PPP1R9A: variants seen among roughly 807,000 people sequenced by gnomAD.
PPP1R9A encodes neurabin-1.
A neutral mutation model predicts 141.9 loss-of-function variants in PPP1R9A; 59 were observed. The observed-to-expected ratio is 0.42, with a 90% confidence interval of 0.34 to 0.52. PPP1R9A has a LOEUF of 0.52. Ranked by LOEUF, PPP1R9A falls within the 20% of genes least tolerant of loss-of-function variation. The probability of loss-of-function intolerance (pLI) is 0.10; values close to 1 mark genes in which losing one functional copy is unlikely to be tolerated. For synonymous variants in PPP1R9A, 500 were observed against 569.7 expected (o/e 0.88, Z 1.74); for missense variants, 1,444 against 1,611.9 (o/e 0.90, Z 1.78).
At chr7:95,079,651 G>A (rs1018350660) in intron 2 of PPP1R9A, among the ~76,000 whole-genome samples, 1 of 152,034 alleles carries the variant, frequency 6.6e-6, no homozygotes, top group African/African-American at 2.4e-5. Context: ...GAGAATTTTA[G>A]ACCAATATCC....
At chr7:95,158,592 G>T (rs770988423) in intron 4 of PPP1R9A, among the ~76,000 whole-genome samples, 3 of 152,200 alleles carry the variant, frequency 2.0e-5, no homozygotes, top group Non-Finnish European at 4.4e-5. Flanking sequence ...TACAAATGTG[G>T]ATATACTTTA....
At chr7:95,123,705 A>G (rs1316862256) in intron 4 of PPP1R9A, among the ~76,000 whole-genome samples, 1 of 152,110 alleles carries the variant, frequency 6.6e-6, no homozygotes, top group African/African-American at 2.4e-5. Context: ...TCTTTAAGAA[A>G]ATGTAACTAG....
intron 5 of PPP1R9A, among the ~76,000 whole-genome samples, chr7:95,178,091 A>G (rs941812338): frequency 2.0e-5 from 3 of 152,152 alleles, no homozygotes; most frequent in Non-Finnish European, 2.9e-5. Flanking sequence ...ATTCTATTCA[A>G]CAGTGCATGG....
At chr7:95,269,529 G>T in intron 14 of PPP1R9A, 22 bp downstream of exon 14, 1 of 1,525,890 alleles carries the variant, frequency 6.6e-7, no homozygotes, top group South Asian at 1.1e-5. Context: ...TTCTTTTTCT[G>T]ACTTCATAAC....
chr7:94,998,541 C>T (rs1218288696), intron 2 of PPP1R9A, among the ~76,000 whole-genome samples: 1 of 152,074 alleles, frequency 6.6e-6, no homozygotes, highest in Non-Finnish European at 1.5e-5. Flanking sequence ...TGAGCTGTTT[C>T]AGCATGAGAT....
chr7:95,130,305 G>A (rs903148503), intron 4 of PPP1R9A, among the ~76,000 whole-genome samples: 10 of 152,198 alleles, frequency 6.6e-5, no homozygotes, highest in Admixed American at 2.0e-4. Context: ...GAGGATGCAA[G>A]CCCCAAGCCT....
At chr7:94,907,407 G>A (rs1044156502), upstream of PPP1R9A, 1 of 152,490 alleles carries the variant, frequency 6.6e-6, no homozygotes, top group Admixed American at 6.5e-5. Context: ...CAGCAGAGTG[G>A]CCTGGGACTT....
intron 5 of PPP1R9A, among the ~76,000 whole-genome samples, chr7:95,173,152 T>G (rs1832386983): frequency 6.6e-6 from 1 of 151,942 alleles, no homozygotes; most frequent in Non-Finnish European, 1.5e-5. Context: ...AATTTTAGAT[T>G]TAGTGAAATA....
intron 2 of PPP1R9A, among the ~76,000 whole-genome samples, chr7:94,952,796 GGAGT>G (rs1220731280): frequency 1.3e-5 from 2 of 151,070 alleles, no homozygotes; most frequent in African/African-American, 4.8e-5. Flanking sequence ...ACTTTTTGAT[GGAGT>G]TGTCTGTTTT....
intron 2 of PPP1R9A, among the ~76,000 whole-genome samples, chr7:94,927,275 C>T (rs1344006759): frequency 6.6e-6 from 1 of 152,032 alleles, no homozygotes; most frequent in African/African-American, 2.4e-5. Context: ...ATAATATCCT[C>T]TTTATTTAAA....
At chr7:95,079,542 C>G (rs1440687531) in intron 2 of PPP1R9A, among the ~76,000 whole-genome samples, 2 of 151,990 alleles carry the variant, frequency 1.3e-5, no homozygotes, top group South Asian at 2.1e-4. Flanking sequence ...CCTTCTGAAA[C>G]TATTCCAATC....
chr7:94,918,876 G>C (rs1330313516), intron 2 of PPP1R9A, among the ~76,000 whole-genome samples: 1 of 152,100 alleles, frequency 6.6e-6, no homozygotes, highest in Non-Finnish European at 1.5e-5. Context: ...TTGGTGATAT[G>C]GTCTAAAAGT....
At chr7:95,124,248 A>G (rs1039867750) in intron 4 of PPP1R9A, among the ~76,000 whole-genome samples, 1 of 152,146 alleles carries the variant, frequency 6.6e-6, no homozygotes, top group Middle Eastern at 3.2e-3. Flanking sequence ...AGTCAATAAT[A>G]CATTTTAAGT....
chr7:95,137,415 C>CAAAAAAAA (rs33928009), intron 4 of PPP1R9A, among the ~76,000 whole-genome samples: 11 of 91,480 alleles, frequency 1.2e-4, no homozygotes, highest in African/African-American at 4.3e-4. Flanking sequence ...GACATGAACT[C>CAAAAAAAA]AAAAAAAAAA....
chr7:95,145,818 AAGG>A (rs1426803825), intron 4 of PPP1R9A, among the ~76,000 whole-genome samples: 3 of 152,204 alleles, frequency 2.0e-5, no homozygotes, highest in Non-Finnish European at 4.4e-5. Flanking sequence ...TGTCCCTGCA[AAGG>A]ACATTAACTC....
chr7:95,200,344 A>G (rs2152864869), intron 6 of PPP1R9A, among the ~76,000 whole-genome samples: 1 of 150,986 alleles, frequency 6.6e-6, no homozygotes, highest in East Asian at 1.9e-4. Context: ...ATAGCTCACT[A>G]TATCCTTGAG....
At chr7:95,050,926 G>T (rs1810708658) in intron 2 of PPP1R9A, among the ~76,000 whole-genome samples, 1 of 152,170 alleles carries the variant, frequency 6.6e-6, no homozygotes, top group South Asian at 2.1e-4. Context: ...GGTCCCATCA[G>T]TGCCAAACTT....
At chr7:95,285,558 C>T (rs988444437) in intron 17 of PPP1R9A, among the ~76,000 whole-genome samples, 1 of 152,186 alleles carries the variant, frequency 6.6e-6, no homozygotes, top group Non-Finnish European at 1.5e-5. Flanking sequence ...TCCCACCTCC[C>T]CCACCCCCAG....
At chr7:95,170,025 A>G (rs1831869525) in intron 5 of PPP1R9A, among the ~76,000 whole-genome samples, 1 of 151,512 alleles carries the variant, frequency 6.6e-6, no homozygotes, top group Non-Finnish European at 1.5e-5. Context: ...TGAGTATGAT[A>G]AGTAGATACA....
Sources: allele counts gnomAD v4.1 joint callset (sites outside exome capture counted in the v4.1 genomes callset), GRCh38; gene constraint gnomAD v4.1.1; transcripts MANE v1.5; gene names NCBI Gene and HGNC (gene_info 2026-07-23, HGNC 2026-07-21).